Variants in BTG4 observed in about 807,000 individuals in gnomAD.
BTG4 encodes the protein protein BTG4.
Under a neutral mutation model 19.3 loss-of-function variants are expected in BTG4, and 10 were observed. That is an observed-to-expected ratio of 0.52 (90% CI 0.32 to 0.88). The LOEUF is 0.88. Among genes scored for constraint, BTG4 ranks in the 40% least tolerant of loss-of-function variants. BTG4 has a pLI of 0.04. For missense variants in BTG4, 238 were observed against 281.9 expected (o/e 0.84, Z 1.11); for synonymous variants, 91 against 95.7 (o/e 0.95, Z 0.29).
At chr11:111,391,779 A>C in the BTG4 span, among the ~76,000 whole-genome samples, 1 of 152,182 alleles carries the variant, frequency 6.6e-6, no homozygotes, top group South Asian at 2.1e-4. Context: ...GCTTCTTTTA[A>C]AAGTGGCTTT....
downstream of BTG4, chr11:111,494,779 A>G (rs1865618035): frequency 1.4e-6 from 1 of 712,410 alleles, no homozygotes. Flanking sequence ...ATAAACTTTT[A>G]AAAGTTTGTT....
intron 1 of BTG4, among the ~76,000 whole-genome samples, chr11:111,510,323 C>T (rs1235959766): frequency 6.6e-6 from 1 of 152,160 alleles, no homozygotes; most frequent in Admixed American, 6.5e-5. Flanking sequence ...TTGTTTTCTA[C>T]ACTCTTCTTG....
the BTG4 span, chr11:111,453,672 C>T: frequency 2.7e-6 from 1 of 367,502 alleles, no homozygotes; most frequent in Non-Finnish European, 5.4e-6. Flanking sequence ...CAAGATTGCT[C>T]AATTCTCAAT....
At chr11:111,446,196 C>T in the BTG4 span, among the ~76,000 whole-genome samples, 3 of 152,142 alleles carry the variant, frequency 2.0e-5, no homozygotes, top group Admixed American at 2.0e-4. Flanking sequence ...TGGTATGGAG[C>T]GAACAGGCTT....
At chr11:111,386,646 G>T in the BTG4 span, among the ~76,000 whole-genome samples, 1 of 152,140 alleles carries the variant, frequency 6.6e-6, no homozygotes, top group Non-Finnish European at 1.5e-5. Context: ...GAGTCTCAAG[G>T]TTAAGAACCA....
intron 1 of BTG4, among the ~76,000 whole-genome samples, chr11:111,509,459 G>T (rs1444811130): frequency 1.3e-5 from 2 of 152,076 alleles, no homozygotes; most frequent in Non-Finnish European, 2.9e-5. Flanking sequence ...AGAGGCCAAG[G>T]GGGGTGCGGT....
the BTG4 span, chr11:111,456,588 C>T: frequency 4.4e-6 from 2 of 454,688 alleles, no homozygotes; most frequent in South Asian, 3.1e-5. The surrounding 1 kb of genome is among the most constrained non-coding windows in gnomAD (Gnocchi z 4.2). Context: ...CTGGCCCCAA[C>T]TCCTTGATGC....
chr11:111,489,676 A>T lies in BTG4; in HGVS notation c.662+5487T>A, dbSNP rs184429836. ...ACGAAGAATAAAATCCTTCATAAAA[A>T]ATAATAAAATCCTGTCATTTGCAAC... On this transcript the variant is annotated intron_variant, in intron 5 of 5. Coordinates refer to the BTG4 transcript ENST00000356018. Among the ~76,000 whole-genome samples the T allele has an allele frequency of 1.6e-3, 242 of 152,364 alleles. 3 individuals carry two copies. The highest frequency in any genetic ancestry group is 0.014 in the Admixed American group (221 of 15,306).
At chr11:111,417,345 C>T in the BTG4 span, 5 of 152,340 alleles carry the variant, frequency 3.3e-5, no homozygotes, top group African/African-American at 1.2e-4. Flanking sequence ...CTGATCTGGA[C>T]TCAGCCTGGT....
At chr11:111,450,993 C>G in the BTG4 span, 1 of 169,678 alleles carries the variant, frequency 5.9e-6, no homozygotes, top group Non-Finnish European at 1.3e-5. Flanking sequence ...CTGGACTCTT[C>G]TTGGTCACTG....
At chr11:111,509,713 A>T (rs1248775888) in intron 1 of BTG4, among the ~76,000 whole-genome samples, 2 of 151,440 alleles carry the variant, frequency 1.3e-5, no homozygotes, top group Non-Finnish European at 2.9e-5. Context: ...AAACAAAAAC[A>T]AAAACAAAAA....
At chr11:111,387,488 AGTGTTCAGAAGCCAGGG>A in the BTG4 span, among the ~76,000 whole-genome samples, 4 of 152,240 alleles carry the variant, frequency 2.6e-5, no homozygotes, top group Non-Finnish European at 4.4e-5. Flanking sequence ...GACGAGTGCC[AGTGTTCAGAAGCCAGGG>A]CTTTACTGTG....
At chr11:111,424,575 T>A in the BTG4 span, among the ~76,000 whole-genome samples, 1 of 152,248 alleles carries the variant, frequency 6.6e-6, no homozygotes, top group African/African-American at 2.4e-5. Flanking sequence ...AAGTCATTCA[T>A]CATCATTAAG....
intron 4 of BTG4, 37 bp downstream of exon 4, chr11:111,497,174 G>GA (rs1254227612): frequency 2.2e-5 from 34 of 1,559,484 alleles, no homozygotes; most frequent in African/African-American, 5.5e-5. Flanking sequence ...GAATTAGATA[G>GA]AAAAAAAGTA....
the BTG4 span, among the ~76,000 whole-genome samples, chr11:111,404,407 C>T: frequency 9.2e-4 from 140 of 152,272 alleles, no homozygotes; most frequent in Non-Finnish European, 1.6e-3. Flanking sequence ...GAAAGGGCTG[C>T]GGCCCATCAA....
At chr11:111,417,799 C>T in the BTG4 span, 1 of 152,234 alleles carries the variant, frequency 6.6e-6, no homozygotes, top group African/African-American at 2.4e-5. Context: ...CTCCTCCCTA[C>T]TCCCAAGTGT....
intron 1 of BTG4, among the ~76,000 whole-genome samples, chr11:111,507,678 C>CCTCT (rs1866552737): frequency 6.6e-6 from 1 of 152,172 alleles, no homozygotes; most frequent in South Asian, 2.1e-4. Context: ...TTGTGAGAGT[C>CCTCT]CTCTCTTCTG....
At chr11:111,420,774 G>A in the BTG4 span, among the ~76,000 whole-genome samples, 1 of 152,222 alleles carries the variant, frequency 6.6e-6, no homozygotes, top group African/African-American at 2.4e-5. Context: ...CAAGCATTAT[G>A]CTGAGTGGTT....
At chr11:111,402,751 G>C in the BTG4 span, among the ~76,000 whole-genome samples, 1 of 152,140 alleles carries the variant, frequency 6.6e-6, no homozygotes, top group Non-Finnish European at 1.5e-5. Context: ...TATTTGTGCT[G>C]ACTGTTCCCC....
Sources: gnomAD v4.1 joint callset for allele counts (sites outside exome capture counted in the v4.1 genomes callset) on GRCh38, gnomAD v4.1.1 for gene constraint, Gnocchi (gnomAD v3.1) non-coding constraint, MANE v1.5 for transcripts, NCBI Gene and HGNC (gene_info 2026-07-23, HGNC 2026-07-21) for gene names.